Variants in PCF11 observed in about 807,000 individuals in gnomAD.
PCF11 encodes the protein pre-mRNA cleavage complex 2 protein Pcf11.
A neutral mutation model predicts 166.1 loss-of-function variants in PCF11; 19 were observed. The ratio of observed to expected loss-of-function variants is 0.11; its 90% CI spans 0.08 to 0.17. The LOEUF (loss-of-function observed/expected upper bound fraction) is 0.17. Ranked by LOEUF, PCF11 falls within the 10% of genes least tolerant of loss-of-function variation. The pLI, the probability that PCF11 is intolerant of heterozygous loss-of-function variation, is 1.00. For missense variants in PCF11, 1,565 were observed against 1,855.5 expected, an observed-to-expected ratio of 0.84 and a Z score of 2.88; for synonymous variants, 663 against 644.1, an observed-to-expected ratio of 1.03 and a Z score of -0.44.
Position 83,166,498 on chromosome 11 carries a change from T to A in PCF11, c.1601T>A (p.Phe534Tyr), listed in dbSNP as rs372988466. The A allele has an allele frequency of 9.9e-6, 16 of 1,613,682 alleles. No individual in the cohort carries two copies. The African/African-American group carries it at 1.9e-4, about 19-fold the overall frequency. The stretch of plus-strand genomic sequence containing the variant: ...GCTAAGCAGTCACATATGGAAGAGT[T>A]TACACCACCTTCTAGGGAAGACAGA... The change falls in exon 5 of 16, where the codon TTT becomes TAT. Residue 534 changes from phenylalanine to tyrosine, a missense_variant. This residue lies in a region of PCF11 where 468 missense variants were observed against 483.4 expected (regional missense o/e 0.97). Transcript: ENST00000298281.
exon 2 of PCF11, chr11:83,161,374 T>A (rs375748507): frequency 6.2e-7 from 1 of 1,605,414 alleles, no homozygotes; most frequent in Non-Finnish European, 8.5e-7. Flanking sequence ...TGGATTCTAT[T>A]GTGAAAAACG....
At chr11:83,175,887 T>C (rs1171760877) in intron 9 of PCF11, among the ~76,000 whole-genome samples, 2 of 152,266 alleles carry the variant, frequency 1.3e-5, no homozygotes, top group Non-Finnish European at 2.9e-5. Flanking sequence ...ATCTTATTTA[T>C]TCAAGTTATT....
At chr11:83,172,219 A>G (rs11233501) in intron 9 of PCF11, among the ~76,000 whole-genome samples, 15,268 of 152,192 alleles carry the variant, frequency 0.1, 921 homozygotes, top group Middle Eastern at 0.21. Context: ...GTGTTGAGAT[A>G]GAATGAAATA....
At chr11:83,175,312 T>C (rs1384563822) in intron 9 of PCF11, among the ~76,000 whole-genome samples, 2 of 152,246 alleles carry the variant, frequency 1.3e-5, no homozygotes, top group Non-Finnish European at 1.5e-5. Flanking sequence ...TTGTATTTTT[T>C]AGTAGAGACG....
chr11:83,169,901 A>G (rs1280551605), exon 8 of PCF11: 17 of 1,611,928 alleles, frequency 1.1e-5, no homozygotes, highest in Non-Finnish European at 1.4e-5. Flanking sequence ...TCTGGACACT[A>G]TTTTGATGAA....
exon 12 of PCF11, chr11:83,181,098 T>C (rs897260682): frequency 5.0e-6 from 8 of 1,608,542 alleles, no homozygotes; most frequent in Non-Finnish European, 5.1e-6. Context: ...CAGATGTTTA[T>C]GCAGATCATT....
chr11:83,184,904 G>C, exon 16 of PCF11: 1 of 1,509,870 alleles, frequency 6.6e-7, no homozygotes, highest in Non-Finnish European at 8.8e-7. Context: ...AATAAAATGA[G>C]AAAGGTATGT....
At position 83,167,181 on chromosome 11, in the gene PCF11, G is replaced by C. The variant is rs1183349281; in HGVS notation, c.1874G>C (p.Trp625Ser). The C allele has an allele frequency of 6.2e-7, 1 of 1,613,410 alleles. No individual in the cohort carries two copies. Among genetic ancestry groups the C allele is most frequent in the Non-Finnish European group, 8.5e-7 (1 of 1,179,572 alleles). The change falls in exon 6 of 16, where the codon TGG (tryptophan) becomes TCG (serine). Residue 625 changes from tryptophan (W) to serine (S), a missense_variant. Trp to Ser is a radical substitution (Grantham distance 177). Coordinates refer to ENST00000298281, the Ensembl canonical transcript of PCF11. This position sits in a 1 kb window ranked among gnomAD's most constrained non-coding sequence, Gnocchi z 4.2. Reference sequence around the variant, plus strand: ...CCTCATCTGAGGCATAGGGAGAGCTGGTCAAGCACTAAAGGAATTTTATCA... The same window carrying C: ...CCTCATCTGAGGCATAGGGAGAGCTCGTCAAGCACTAAAGGAATTTTATCA...
At chr11:83,166,593 C>G (rs779072848) in exon 5 of PCF11, 1 of 1,613,726 alleles carries the variant, frequency 6.2e-7, no homozygotes, top group Non-Finnish European at 8.5e-7. Flanking sequence ...AGAGGAGCGA[C>G]CACAAGAAAC....
intron 1 of PCF11, chr11:83,158,179 A>C (rs1175603822): frequency 6.5e-6 from 1 of 152,840 alleles, no homozygotes; most frequent in Non-Finnish European, 1.5e-5. Flanking sequence ...ACATGATGCG[A>C]AAGGGAAGAG....
chr11:83,162,407 G>A (rs1211030815), intron 2 of PCF11, among the ~76,000 whole-genome samples: 1 of 152,190 alleles, frequency 6.6e-6, no homozygotes, highest in Non-Finnish European at 1.5e-5. Flanking sequence ...TAAGTTCTTA[G>A]AGAAAAACAG....
chr11:83,161,331 C>G (rs1473584810), exon 2 of PCF11: 1 of 1,592,340 alleles, frequency 6.3e-7, no homozygotes, highest in Non-Finnish European at 8.5e-7. Context: ...ATTCAGGCTC[C>G]TTCCTCAGAG....
At chr11:83,184,948 G>A in exon 16 of PCF11, 1 of 1,252,020 alleles carries the variant, frequency 8.0e-7, no homozygotes, top group Non-Finnish European at 1.1e-6. Flanking sequence ...GTTGGATCTA[G>A]AAGGTGAAGA....
chr11:83,164,797 C>G (rs764496417), intron 4 of PCF11, among the ~76,000 whole-genome samples: 1 of 151,922 alleles, frequency 6.6e-6, no homozygotes, highest in African/African-American at 2.4e-5. Context: ...GGATCACTTG[C>G]GGCTGCAGTG....
exon 16 of PCF11, chr11:83,184,885 G>C (rs1216324079): frequency 2.6e-6 from 4 of 1,550,486 alleles, no homozygotes; most frequent in Non-Finnish European, 3.5e-6. Flanking sequence ...ACACAGTCGA[G>C]TCAGTTTAAA....
chr11:83,163,217 A>G (rs980078122), intron 2 of PCF11, among the ~76,000 whole-genome samples: 1 of 152,220 alleles, frequency 6.6e-6, no homozygotes. Context: ...TATGTACCCA[A>G]CCATATAGTA....
At chr11:83,177,174 A>C (rs1218034718) in exon 10 of PCF11, 1 of 1,571,466 alleles carries the variant, frequency 6.4e-7, no homozygotes, top group Non-Finnish European at 8.6e-7. Context: ...AGGAATTCTC[A>C]AATTGTCCCA....
At chr11:83,161,674 G>C (rs981312886) in intron 2 of PCF11, among the ~76,000 whole-genome samples, 2 of 152,080 alleles carry the variant, frequency 1.3e-5, no homozygotes, top group African/African-American at 2.4e-5. Flanking sequence ...AGAATAGATG[G>C]ATTTGCTTTT....
chr11:83,176,423 C>T (rs1232498868), intron 9 of PCF11, among the ~76,000 whole-genome samples: 2 of 152,272 alleles, frequency 1.3e-5, no homozygotes, highest in East Asian at 3.9e-4. Context: ...ATAGCAAAGA[C>T]TTGGAACCAA....
Sources: gnomAD v4.1 joint callset for allele counts (sites outside exome capture counted in the v4.1 genomes callset) on GRCh38, gnomAD v4.1.1 for gene constraint, gnomAD v4.1.1 regional missense constraint, Gnocchi (gnomAD v3.1) non-coding constraint, MANE v1.5 for transcripts, NCBI Gene and HGNC (gene_info 2026-07-23, HGNC 2026-07-21) for gene names.